DCPH1: variants seen among roughly 807,000 people sequenced by gnomAD.
DCPH1 encodes the protein damage control phosphatase 1, also known as damage-control phosphatase 1.
chr6:151,457,551 C>T, the DCPH1 span, among the ~76,000 whole-genome samples: 134 of 152,086 alleles, frequency 8.8e-4, 1 homozygote, highest in African/African-American at 3.0e-3. Flanking sequence ...TGCAGAATCT[C>T]GAAAGCTTCA....
chr6:151,458,179 G>A, the DCPH1 span: 5 of 1,039,140 alleles, frequency 4.8e-6, no homozygotes, highest in South Asian at 7.0e-5. Context: ...TTGATTTTCA[G>A]TTTAAGAGTT....
the DCPH1 span, among the ~76,000 whole-genome samples, chr6:151,466,580 C>T: frequency 6.6e-6 from 1 of 152,160 alleles, no homozygotes; most frequent in African/African-American, 2.4e-5. Context: ...GAATGTTGAT[C>T]TCTTTCAAAA....
At chr6:151,467,243 C>CT in the DCPH1 span, among the ~76,000 whole-genome samples, 1 of 146,746 alleles carries the variant, frequency 6.8e-6, no homozygotes, top group Non-Finnish European at 1.5e-5. Context: ...AGAGGAGACT[C>CT]TATCTCAAAA....
the DCPH1 span, among the ~76,000 whole-genome samples, chr6:151,462,664 G>A: frequency 6.6e-6 from 1 of 152,162 alleles, no homozygotes; most frequent in Non-Finnish European, 1.5e-5. Flanking sequence ...CTGAACATAT[G>A]TATGAATACA....
chr6:151,455,734 T>TA, the DCPH1 span, among the ~76,000 whole-genome samples: 4 of 152,280 alleles, frequency 2.6e-5, no homozygotes, highest in African/African-American at 9.6e-5. Flanking sequence ...CCTCTTACAC[T>TA]AATCCTCCTC....
chr6:151,468,639 T>C, the DCPH1 span: 2 of 1,613,968 alleles, frequency 1.2e-6, no homozygotes, highest in Non-Finnish European at 1.7e-6. Flanking sequence ...GAAAAACAAT[T>C]CCATGGTTTG....
At chr6:151,456,136 C>A in the DCPH1 span, among the ~76,000 whole-genome samples, 2 of 152,184 alleles carry the variant, frequency 1.3e-5, no homozygotes, top group African/African-American at 4.8e-5. Flanking sequence ...ATGTCTACTT[C>A]TTTCTACACA....
chr6:151,464,741 T>G, the DCPH1 span: 2 of 624,568 alleles, frequency 3.2e-6, no homozygotes, highest in Non-Finnish European at 5.0e-6. Flanking sequence ...TCTAGTGGTG[T>G]TAAAAGATGA....
the DCPH1 span, among the ~76,000 whole-genome samples, chr6:151,463,837 A>G: frequency 2.6e-5 from 4 of 152,328 alleles, no homozygotes; most frequent in Non-Finnish European, 5.9e-5. Context: ...CCAATATAAT[A>G]TGATTTAATC....
At chr6:151,463,803 C>T in the DCPH1 span, among the ~76,000 whole-genome samples, 21 of 152,102 alleles carry the variant, frequency 1.4e-4, no homozygotes, top group African/African-American at 4.8e-4. Context: ...GTATTTATAT[C>T]TCCTTAGTTA....
chr6:151,469,380 T>C, the DCPH1 span: 1 of 324,818 alleles, frequency 3.1e-6, no homozygotes, highest in Non-Finnish European at 5.5e-6. Context: ...AATATATAAT[T>C]TCAAGTGCTT....
the DCPH1 span, among the ~76,000 whole-genome samples, chr6:151,460,055 A>G: frequency 6.6e-6 from 1 of 152,006 alleles, no homozygotes; most frequent in Non-Finnish European, 1.5e-5. Flanking sequence ...ACACACGTAT[A>G]TATTTTGTTG....
the DCPH1 span, chr6:151,470,018 G>A: frequency 6.6e-6 from 1 of 152,050 alleles, no homozygotes; most frequent in African/African-American, 2.4e-5. Context: ...AAAATTTCAG[G>A]TCAGTTTGTT....
the DCPH1 span, chr6:151,468,378 C>G: frequency 1.9e-6 from 3 of 1,577,594 alleles, no homozygotes; most frequent in Non-Finnish European, 2.6e-6. Flanking sequence ...ATCTGTCTCT[C>G]TCAGGTGGAG....
chr6:151,454,727 C>G, the DCPH1 span: 1 of 715,188 alleles, frequency 1.4e-6, no homozygotes, highest in Non-Finnish European at 2.4e-6. Flanking sequence ...TTGAAGGTAT[C>G]AATTTTCCTT....
the DCPH1 span, among the ~76,000 whole-genome samples, chr6:151,456,617 A>G: frequency 1.3e-5 from 2 of 152,218 alleles, no homozygotes; most frequent in African/African-American, 2.4e-5. Context: ...GTATTTGGTC[A>G]TATACGCAAG....
the DCPH1 span, among the ~76,000 whole-genome samples, chr6:151,459,838 A>G: frequency 1.3e-5 from 2 of 152,204 alleles, no homozygotes; most frequent in East Asian, 1.9e-4. Context: ...AGAAAAGTTA[A>G]TGGGGATGAT....
chr6:151,452,500 G>A, the DCPH1 span: 2 of 1,606,630 alleles, frequency 1.2e-6, no homozygotes, highest in Non-Finnish European at 1.7e-6. Context: ...CTCTGTTTCT[G>A]CGGCGATTGA....
the DCPH1 span, chr6:151,464,419 T>C: frequency 2.0e-6 from 3 of 1,534,402 alleles, no homozygotes; most frequent in Non-Finnish European, 2.7e-6. Context: ...ATGTACAAAC[T>C]AAAATGTTTC....
Sources: gnomAD v4.1 joint callset for allele counts (sites outside exome capture counted in the v4.1 genomes callset) on GRCh38, gnomAD v4.1.1 for gene constraint, MANE v1.5 for transcripts, NCBI Gene and HGNC (gene_info 2026-07-23, HGNC 2026-07-21) for gene names.